Variants in VPS13D observed in about 807,000 individuals in gnomAD.
VPS13D encodes the protein intermembrane lipid transfer protein VPS13D.
Under a neutral mutation model 461.9 loss-of-function variants are expected in VPS13D, and 187 were observed. The observed-to-expected ratio is 0.40, with a 90% confidence interval of 0.36 to 0.46. VPS13D has a LOEUF of 0.46. Ranked by LOEUF, VPS13D falls within the 20% of genes least tolerant of loss-of-function variation. The probability of loss-of-function intolerance (pLI) is 0.60; values close to 1 mark genes in which losing one functional copy is unlikely to be tolerated. For synonymous variants in VPS13D, 1,951 were observed against 1,986.3 expected (o/e 0.98, Z 0.47); for missense variants, 4,711 against 5,364.9 (o/e 0.88, Z 3.81).
chr1:12,238,285 G>A (rs1003192752), intron 2 of VPS13D, among the ~76,000 whole-genome samples: 3 of 126,746 alleles, frequency 2.4e-5, no homozygotes, highest in Admixed American at 1.0e-4. Context: ...ACATATATAT[G>A]TATACATACA....
rs944088747 is a variant in VPS13D, at chr1:12,264,913, A to G, written c.1595-1968A>G. Among the ~76,000 whole-genome samples the G allele has an allele frequency of 2.6e-5, 4 of 152,336 alleles. No homozygotes were observed. In the South Asian group the frequency reaches 6.2e-4, roughly 24 times the overall value. On this transcript the variant is annotated intron_variant, in intron 13 of 69. Transcript: ENST00000620676. ...GCCTGGCTTCAAAGCTTCAAAGAAC[A>G]GGCTGACTCTCTTGTTAGGGGCCAG...
At chr1:12,430,153 A>G (rs1191054933) in intron 65 of VPS13D, among the ~76,000 whole-genome samples, 1 of 152,214 alleles carries the variant, frequency 6.6e-6, no homozygotes, top group Non-Finnish European at 1.5e-5. Flanking sequence ...TAACTTGGAA[A>G]TGAGCAAGGA....
intron 24 of VPS13D, among the ~76,000 whole-genome samples, chr1:12,294,810 C>T (rs1382449866): frequency 6.8e-5 from 10 of 148,026 alleles, no homozygotes; most frequent in Admixed American, 6.7e-4. Flanking sequence ...GACTCCGTCT[C>T]AAAAAAAAAA....
rs948064098 is a variant in VPS13D, at chr1:12,304,797, G to T, written c.6439+69G>T. 4.8e-6 allele frequency: 7 copies of T among 1,470,406 alleles called. No individual in the cohort carries two copies. In the South Asian group the frequency reaches 7.0e-5, roughly 15 times the overall value. 91.1% of individuals were successfully genotyped at this position (1,470,406 alleles called of 1,614,324 possible). A position where few individuals can be genotyped will look rare whatever the true frequency, so the allele number is the denominator to read the frequency against. The stretch of plus-strand genomic sequence containing the variant: ...TCACAGGACTGTTGAGGAAACTGAG[G>T]GGGGTGGGCATTGTGTTCAAGCAAA... On this transcript the variant is annotated intron_variant, in intron 26 of 69. Coordinates refer to ENST00000620676, the MANE Select transcript of VPS13D (RefSeq NM_015378.4).
At chr1:12,252,772 CA>C (rs1194843615) in intron 6 of VPS13D, among the ~76,000 whole-genome samples, 1,105 of 68,240 alleles carry the variant, frequency 0.016, 4 homozygotes, top group East Asian at 0.033. Flanking sequence ...ATTCTGTCTC[CA>C]AAAAAAAAAA....
At chr1:12,309,282 C>T (rs1642663437) in intron 27 of VPS13D, among the ~76,000 whole-genome samples, 1 of 148,642 alleles carries the variant, frequency 6.7e-6, no homozygotes, top group Admixed American at 6.7e-5. Flanking sequence ...GAGATCTCAG[C>T]TCACTGCAAC....
At chr1:12,303,695 C>G (rs932812015) in intron 25 of VPS13D, among the ~76,000 whole-genome samples, 6 of 152,164 alleles carry the variant, frequency 3.9e-5, no homozygotes, top group Non-Finnish European at 8.8e-5. Flanking sequence ...AGAGGGAGAG[C>G]CATCCTTCCT....
intron 63 of VPS13D, among the ~76,000 whole-genome samples, chr1:12,412,256 A>G (rs1644739365): frequency 1.3e-5 from 2 of 152,264 alleles, no homozygotes; most frequent in Admixed American, 6.5e-5. Context: ...GATTCAGTAC[A>G]GTCCTGATGA....
intron 52 of VPS13D, among the ~76,000 whole-genome samples, chr1:12,366,020 A>C (rs887953149): frequency 2.0e-5 from 3 of 151,648 alleles, no homozygotes; most frequent in African/African-American, 7.3e-5. Flanking sequence ...CCTCCTGCCT[A>C]CTGAGTAGCT....
chr1:12,271,568 C>T (rs1401358999), intron 17 of VPS13D, among the ~76,000 whole-genome samples: 3 of 151,848 alleles, frequency 2.0e-5, no homozygotes, highest in Non-Finnish European at 4.4e-5. Context: ...GCTCAGGAGG[C>T]GGAGGCAGGA....
At chr1:12,387,013 A>C (rs1644358509) in intron 60 of VPS13D, among the ~76,000 whole-genome samples, 1 of 152,238 alleles carries the variant, frequency 6.6e-6, no homozygotes, top group African/African-American at 2.4e-5. Flanking sequence ...AACTCTGAAG[A>C]TCTATAGACC....
intron 6 of VPS13D, among the ~76,000 whole-genome samples, chr1:12,250,565 C>T (rs181962939): frequency 1.9e-3 from 284 of 152,278 alleles, no homozygotes; most frequent in African/African-American, 6.3e-3. Context: ...TATTCCCTAA[C>T]GTTACTGAAT....
intron 57 of VPS13D, 44 bp from the exon 58 acceptor site, chr1:12,382,932 T>A: frequency 1.3e-6 from 2 of 1,552,188 alleles, no homozygotes; most frequent in Non-Finnish European, 1.8e-6. Flanking sequence ...TCAAAGTCAG[T>A]GCCTCTGTCT....
chr1:12,352,286 G>A (rs1477251427), intron 46 of VPS13D, among the ~76,000 whole-genome samples: 1 of 151,938 alleles, frequency 6.6e-6, no homozygotes, highest in Non-Finnish European at 1.5e-5. Context: ...GCGAGACTCT[G>A]TCTCAAAAAA....
intron 51 of VPS13D, 47 bp from the exon 52 acceptor site, chr1:12,363,025 T>C (rs1222119401): frequency 1.2e-6 from 2 of 1,604,834 alleles, no homozygotes; most frequent in Non-Finnish European, 1.7e-6. Context: ...ACACTTATTG[T>C]CATGAATCGA....
chr1:12,499,865 G>A lies in VPS13D; in HGVS notation c.12794+2234G>A, dbSNP rs537961904. 5.9e-5 allele frequency: 58 copies of A among 985,260 alleles called. No homozygotes were observed. In the Admixed American group the frequency reaches 7.4e-4, roughly 13 times the overall value. The allele number at this position is 985,260 out of a possible 1,614,324, so 61.0% of individuals were successfully genotyped here. A position where few individuals can be genotyped will look rare whatever the true frequency, so the allele number is the denominator to read the frequency against. On this transcript the variant is annotated intron_variant, in intron 68 of 69. Transcript: ENST00000620676. Reference sequence around the variant, plus strand: ...TTACACTCATCACTCTGCAAGAAAGGAGTTTTCAGGAAAAGCCCACGAGCG... The same window carrying A: ...TTACACTCATCACTCTGCAAGAAAGAAGTTTTCAGGAAAAGCCCACGAGCG...
At chr1:12,331,709 C>CT (rs1474664896) in intron 37 of VPS13D, among the ~76,000 whole-genome samples, 3 of 96,754 alleles carry the variant, frequency 3.1e-5, no homozygotes, top group East Asian at 6.6e-4. Context: ...GAGACTCTGT[C>CT]TTAAAAAAAA....
At chr1:12,395,011 G>A (rs771901944) in intron 60 of VPS13D, among the ~76,000 whole-genome samples, 3 of 151,856 alleles carry the variant, frequency 2.0e-5, no homozygotes, top group African/African-American at 2.4e-5. Flanking sequence ...AGTTCTTTTC[G>A]AGTGTAGTAC....
At position 12,416,682 on chromosome 1, in the gene VPS13D, G is replaced by A. The variant is rs747135131; in HGVS notation, c.12188G>A (p.Arg4063Gln). 4.3e-6 allele frequency: 7 copies of A among 1,613,920 alleles called. No individual in the cohort carries two copies. Among genetic ancestry groups the A allele is most frequent in the East Asian group, 4.5e-5 (2 of 44,878 alleles). The change falls in exon 65 of 70, where the codon CGA becomes CAA. Residue 4063 changes from arginine (R) to glutamine (Q), a missense_variant. Arg to Gln is a conservative substitution (Grantham distance 43, BLOSUM62 1). Around this residue, in one of 3 missense-constraint regions of VPS13D, gnomAD observed 106 missense variants for 206.2 expected, o/e 0.51. Coordinates refer to ENST00000620676, the MANE Select transcript of VPS13D (RefSeq NM_015378.4). ...CAGGAACTCCTCAGCCAGGCAGCTC[G>A]AATCCTGGGATCAGTGGATTTTCTT... ...FQEELLSQAARILGSVDFLGN... is the reference protein window; with the variant it reads ...FQEELLSQAAQILGSVDFLGN...
Sources: allele counts gnomAD v4.1 joint callset (sites outside exome capture counted in the v4.1 genomes callset), GRCh38; gene constraint gnomAD v4.1.1; regional missense constraint gnomAD v4.1.1; transcripts MANE v1.5; gene names NCBI Gene and HGNC (gene_info 2026-07-23, HGNC 2026-07-21).